VEPH1: variants seen among roughly 807,000 people sequenced by gnomAD.
VEPH1 encodes the protein ventricular zone expressed PH domain containing 1.
A neutral mutation model predicts 85.2 loss-of-function variants in VEPH1; 80 were observed. The observed-to-expected ratio is 0.94, with a 90% CI of 0.78 to 1.13. The LOEUF is 1.13. Ranked by LOEUF, VEPH1 falls within the 50% of genes most tolerant of loss-of-function variation. The pLI is 0.00. For synonymous variants in VEPH1, 297 were observed against 348.0 expected (o/e 0.85, Z 1.63); for missense variants, 955 against 980.5 (o/e 0.97, Z 0.35).
At chr3:157,316,338 C>T (rs931065437) in intron 10 of VEPH1, among the ~76,000 whole-genome samples, 11 of 151,500 alleles carry the variant, frequency 7.3e-5, no homozygotes, top group African/African-American at 2.4e-4. Context: ...TAAAATAATG[C>T]ATTTTAAAAA....
At chr3:157,477,664 A>G (rs1271616634) in intron 2 of VEPH1, among the ~76,000 whole-genome samples, 1 of 152,150 alleles carries the variant, frequency 6.6e-6, no homozygotes, top group African/African-American at 2.4e-5. Flanking sequence ...AGTAGAGAGA[A>G]TGACTTATCT....
intron 11 of VEPH1, among the ~76,000 whole-genome samples, chr3:157,299,334 G>A (rs115179518): frequency 2.1e-3 from 324 of 152,012 alleles, no homozygotes; most frequent in Admixed American, 4.3e-3. Flanking sequence ...TGAGGTGGGT[G>A]GATCACTTGA....
chr3:157,343,508 C>A (rs1418846133), intron 9 of VEPH1, among the ~76,000 whole-genome samples: 7 of 152,318 alleles, frequency 4.6e-5, no homozygotes, highest in Non-Finnish European at 1.0e-4. Context: ...AGACCAATAA[C>A]AGGCTCTGAA....
At chr3:157,411,289 T>A (rs926371648) in intron 6 of VEPH1, among the ~76,000 whole-genome samples, 1 of 152,176 alleles carries the variant, frequency 6.6e-6, no homozygotes, top group Non-Finnish European at 1.5e-5. Context: ...TATCTGTCTT[T>A]GTTTAAGTTA....
intron 5 of VEPH1, among the ~76,000 whole-genome samples, chr3:157,425,050 G>A (rs1732648030): frequency 1.3e-5 from 2 of 152,186 alleles, no homozygotes; most frequent in African/African-American, 2.4e-5. Context: ...AAGGCCCAGG[G>A]CCCCCACGCT....
chr3:157,441,785 G>A (rs968731909), intron 4 of VEPH1, among the ~76,000 whole-genome samples: 1 of 151,350 alleles, frequency 6.6e-6, no homozygotes, highest in African/African-American at 2.4e-5. Context: ...AATCCAGCCT[G>A]GGTGACAGAG....
intron 9 of VEPH1, among the ~76,000 whole-genome samples, chr3:157,344,654 T>C (rs1723990313): frequency 6.6e-6 from 1 of 152,186 alleles, no homozygotes; most frequent in Admixed American, 6.5e-5. Flanking sequence ...ATGACTTTCT[T>C]CACAGAATTG....
chr3:157,483,552 C>G (rs1738336967), intron 2 of VEPH1, among the ~76,000 whole-genome samples: 1 of 151,900 alleles, frequency 6.6e-6, no homozygotes, highest in Non-Finnish European at 1.5e-5. Context: ...GACCAAGTCA[C>G]TTTTTTAAAA....
At chr3:157,406,134 T>A (rs1276888277) in intron 6 of VEPH1, among the ~76,000 whole-genome samples, 2 of 152,092 alleles carry the variant, frequency 1.3e-5, no homozygotes, top group Non-Finnish European at 2.9e-5. Flanking sequence ...AAAAAATCCT[T>A]CCCCAATTCA....
intron 9 of VEPH1, among the ~76,000 whole-genome samples, chr3:157,356,893 C>T (rs1725505128): frequency 6.6e-6 from 1 of 152,170 alleles, no homozygotes; most frequent in Non-Finnish European, 1.5e-5. Flanking sequence ...TACTGCACTG[C>T]ATCCCTTGGA....
At position 157,281,101 on chromosome 3, in the gene VEPH1, T is replaced by A. The variant is rs1481997552; in HGVS notation, c.2128+5456A>T. On this transcript the variant is annotated intron_variant, in intron 12 of 13. Coordinates refer to ENST00000362010, the MANE Select transcript of VEPH1 (RefSeq NM_001167912.2). ...GCATATGTGTGCGTGTGTGTGTGTG[T>A]GAGAGAGAGAGAGAGAGACAGAGAA... Among the ~76,000 whole-genome samples the A allele has an allele frequency of 2.3e-3, 340 of 148,740 alleles. 2 individuals are homozygous for A. Among genetic ancestry groups the A allele is most frequent in the Middle Eastern group, 0.017 (5 of 290 alleles).
rs77865913 is a variant in VEPH1, at chr3:157,406,423, T to G, written c.906+7458A>C. Among the ~76,000 whole-genome samples the G allele has an allele frequency of 9.8e-3, 1,496 of 152,272 alleles. 22 individuals are homozygous for G. Among genetic ancestry groups the G allele is most frequent in the African/African-American group, 0.034 (1,421 of 41,550 alleles). ...GACAGTAATGTGGCTCTCAGCTGCC[T>G]TTGTCATTCTTTTCCTTTTCCTCCT... On this transcript the variant is annotated intron_variant, in intron 6 of 13. Transcript: ENST00000362010.
At chr3:157,269,060 C>T (rs1006545438) in intron 12 of VEPH1, among the ~76,000 whole-genome samples, 12 of 152,084 alleles carry the variant, frequency 7.9e-5, no homozygotes, top group African/African-American at 2.9e-4. Context: ...CTCAAAGAAA[C>T]ATTTGAAATA....
At chr3:157,354,105 G>A (rs1426472579) in intron 9 of VEPH1, among the ~76,000 whole-genome samples, 3 of 152,056 alleles carry the variant, frequency 2.0e-5, no homozygotes, top group Non-Finnish European at 2.9e-5. Flanking sequence ...TGAGTTCATC[G>A]ATTGCACCAA....
chr3:157,325,532 G>T (rs1309848797), intron 9 of VEPH1, among the ~76,000 whole-genome samples: 1 of 152,076 alleles, frequency 6.6e-6, no homozygotes, highest in Non-Finnish European at 1.5e-5. Flanking sequence ...TGTAAGGAAG[G>T]GGTCCAGTTT....
At chr3:157,489,192 C>T (rs1200757101) in intron 2 of VEPH1, 1 of 456,478 alleles carries the variant, frequency 2.2e-6, no homozygotes, top group Admixed American at 2.4e-5. Flanking sequence ...AAAAATTAGA[C>T]CATGTTACTT....
At chr3:157,448,709 T>C (rs529989465) in intron 4 of VEPH1, among the ~76,000 whole-genome samples, 1 of 152,316 alleles carries the variant, frequency 6.6e-6, no homozygotes, top group East Asian at 1.9e-4. Context: ...GGAAAACAAC[T>C]TTCTTTTCTA....
chr3:157,288,961 C>A (rs1435756946), intron 11 of VEPH1, among the ~76,000 whole-genome samples: 1 of 151,742 alleles, frequency 6.6e-6, no homozygotes, highest in Non-Finnish European at 1.5e-5. Context: ...ATTGTTTTGA[C>A]AAAAATGATT....
chr3:157,421,815 A>C (rs1379500606), intron 5 of VEPH1, among the ~76,000 whole-genome samples: 2 of 152,128 alleles, frequency 1.3e-5, no homozygotes, highest in East Asian at 3.9e-4. Context: ...ACGGGACTCC[A>C]CAATACCCCA....
Sources: gnomAD v4.1 joint callset for allele counts (sites outside exome capture counted in the v4.1 genomes callset) on GRCh38, gnomAD v4.1.1 for gene constraint, MANE v1.5 for transcripts, NCBI Gene and HGNC (gene_info 2026-07-23, HGNC 2026-07-21) for gene names.